NPAS3: variants seen among roughly 807,000 people sequenced by gnomAD.
NPAS3 encodes neuronal PAS domain-containing protein 3.
NPAS3 carries 14 observed loss-of-function variants against 73.1 expected under a neutral mutation model. The observed-to-expected ratio is 0.19, with a 90% CI of 0.13 to 0.30. NPAS3 has a LOEUF of 0.30. Ranked by LOEUF, NPAS3 falls within the 10% of genes least tolerant of loss-of-function variation. The pLI, the probability that NPAS3 is intolerant of heterozygous loss-of-function variation, is 1.00. For synonymous variants in NPAS3, 620 were observed against 541.5 expected (o/e 1.14, Z -2.01); for missense variants, 1,096 against 1,250.0 (o/e 0.88, Z 1.86).
chr14:33,686,208 C>A (rs1312671554), intron 6 of NPAS3, among the ~76,000 whole-genome samples: 3 of 152,154 alleles, frequency 2.0e-5, no homozygotes, highest in Non-Finnish European at 4.4e-5. Flanking sequence ...CTCATCCCAG[C>A]AGCACAGTGG....
intron 2 of NPAS3, among the ~76,000 whole-genome samples, chr14:33,098,734 A>G (rs2042495250): frequency 6.6e-6 from 1 of 152,252 alleles, no homozygotes; most frequent in South Asian, 2.1e-4. Flanking sequence ...TTCATATTTC[A>G]CATAACTTAG....
rs1021717448 is a variant in NPAS3, at chr14:33,641,210, G to A, written c.559-35001G>A. Among the ~76,000 whole-genome samples, 8 of 152,226 alleles carry A rather than the reference G, an allele frequency of 5.3e-5. No homozygotes were observed. In the South Asian group the frequency reaches 1.4e-3, roughly 28 times the overall value. ...TGTTTATCTAACTTCTTTCCACGGA[G>A]CATGGAAGATTTCAGCCTTAACAGA... On this transcript the variant is annotated intron_variant, in intron 5 of 11. Coordinates refer to ENST00000356141, the Ensembl canonical transcript of NPAS3.
chr14:33,144,368 T>A (rs1289693384), intron 2 of NPAS3, among the ~76,000 whole-genome samples: 1 of 152,236 alleles, frequency 6.6e-6, no homozygotes, highest in Non-Finnish European at 1.5e-5. Flanking sequence ...TGTTTTGAAA[T>A]CAGTTATTGC....
intron 3 of NPAS3, among the ~76,000 whole-genome samples, chr14:33,222,794 A>C (rs924622685): frequency 4.6e-5 from 7 of 152,190 alleles, no homozygotes; most frequent in Non-Finnish European, 7.3e-5. Flanking sequence ...GATAAGAACT[A>C]TGGGTGAGTT....
Position 33,362,372 on chromosome 14 carries a change from A to C in NPAS3, c.386-4814A>C, listed in dbSNP as rs76600306. ...GATAGGGAAACAGATACACACACTC[A>C]TACATACCTCATGAACTTCTGGGGC... On this transcript the variant is annotated intron_variant, in intron 3 of 11. Transcript: ENST00000356141. 8.8e-3 allele frequency among the ~76,000 whole-genome samples: 1,334 copies of C among 152,322 alleles called. 30 individuals are homozygous for C. Among genetic ancestry groups the C allele is most frequent in the African/African-American group, 0.031 (1,272 of 41,568 alleles).
intron 5 of NPAS3, among the ~76,000 whole-genome samples, chr14:33,650,992 G>A (rs966742795): frequency 6.6e-6 from 1 of 152,194 alleles, no homozygotes; most frequent in African/African-American, 2.4e-5. Context: ...GGGAGGCTTG[G>A]CAAGAGAAAA....
chr14:33,246,552 AAAAAAG>A (rs1465130133), intron 3 of NPAS3, among the ~76,000 whole-genome samples: 1 of 150,216 alleles, frequency 6.7e-6, no homozygotes, highest in African/African-American at 2.5e-5. Context: ...AAAAAAAAAA[AAAAAAG>A]AAGAACTAAG....
At chr14:33,477,195 A>G (rs2051079282) in intron 4 of NPAS3, among the ~76,000 whole-genome samples, 1 of 151,968 alleles carries the variant, frequency 6.6e-6, no homozygotes, top group African/African-American at 2.4e-5. Flanking sequence ...ACCATCTTTC[A>G]TCTTTTGGTG....
chr14:33,033,722 T>C (rs1385195843), intron 1 of NPAS3, among the ~76,000 whole-genome samples: 1 of 152,186 alleles, frequency 6.6e-6, no homozygotes, highest in Non-Finnish European at 1.5e-5. Context: ...TCCACAGCTA[T>C]ATCAGTTACC....
At chr14:33,384,033 G>A (rs999453485) in intron 4 of NPAS3, among the ~76,000 whole-genome samples, 32 of 152,126 alleles carry the variant, frequency 2.1e-4, no homozygotes, top group African/African-American at 7.5e-4. Context: ...ACATGGCTGT[G>A]TTTGGCTTTG....
At chr14:33,280,444 A>G (rs969947473) in intron 3 of NPAS3, among the ~76,000 whole-genome samples, 1 of 152,220 alleles carries the variant, frequency 6.6e-6, no homozygotes, top group African/African-American at 2.4e-5. Flanking sequence ...AGGAGAAAGC[A>G]GATGATGAGC....
At chr14:33,109,990 T>C (rs2042840259) in intron 2 of NPAS3, among the ~76,000 whole-genome samples, 1 of 151,584 alleles carries the variant, frequency 6.6e-6, no homozygotes, top group Admixed American at 6.6e-5. Context: ...AGATGAACAT[T>C]TAAGTACAAC....
chr14:32,952,539 A>G (rs894369516), intron 1 of NPAS3, among the ~76,000 whole-genome samples: 15 of 152,098 alleles, frequency 9.9e-5, no homozygotes, highest in Non-Finnish European at 1.8e-4. Context: ...TACATTAGTC[A>G]ACACTTTGAA....
intron 2 of NPAS3, among the ~76,000 whole-genome samples, chr14:33,178,644 G>A (rs2045685430): frequency 6.6e-6 from 1 of 152,106 alleles, no homozygotes; most frequent in Non-Finnish European, 1.5e-5. Flanking sequence ...CTAGAGAAAT[G>A]CAACTGATTT....
At chr14:33,783,734 G>C (rs2063055456) in intron 9 of NPAS3, among the ~76,000 whole-genome samples, 1 of 152,068 alleles carries the variant, frequency 6.6e-6, no homozygotes, top group Admixed American at 6.6e-5. Context: ...ACTACACTGT[G>C]CATCAGTGGG....
intron 4 of NPAS3, among the ~76,000 whole-genome samples, chr14:33,464,251 T>G (rs2050405780): frequency 6.6e-6 from 1 of 152,198 alleles, no homozygotes; most frequent in Non-Finnish European, 1.5e-5. Flanking sequence ...CCATATTCTG[T>G]GTGGGACTCT....
At chr14:33,187,393 C>G (rs1417572698) in intron 2 of NPAS3, among the ~76,000 whole-genome samples, 1 of 152,146 alleles carries the variant, frequency 6.6e-6, no homozygotes, top group African/African-American at 2.4e-5. Context: ...CTTGATCATT[C>G]TTTAGTTGTA....
chr14:33,544,963 C>A (rs923120458), intron 4 of NPAS3, among the ~76,000 whole-genome samples: 3 of 149,376 alleles, frequency 2.0e-5, no homozygotes, highest in Non-Finnish European at 4.4e-5. Flanking sequence ...AATCATTTTT[C>A]TCCTATGTCT....
At chr14:33,043,322 C>G (rs2040405161) in intron 1 of NPAS3, among the ~76,000 whole-genome samples, 1 of 152,030 alleles carries the variant, frequency 6.6e-6, no homozygotes, top group Non-Finnish European at 1.5e-5. Context: ...ATACTTTATT[C>G]CAATTAAATT....
Sources: allele counts gnomAD v4.1 joint callset (sites outside exome capture counted in the v4.1 genomes callset), GRCh38; gene constraint gnomAD v4.1.1; transcripts MANE v1.5; gene names NCBI Gene and HGNC (gene_info 2026-07-23, HGNC 2026-07-21).